The following RASGEF1C variants were observed in gnomAD, a reference collection of about 807,000 sequenced individuals.
The protein encoded by RASGEF1C is ras-GEF domain-containing family member 1C.
In RASGEF1C, 27 loss-of-function variants were observed where a neutral mutation model predicts 58.1. That is an observed-to-expected ratio of 0.46 (90% confidence interval 0.34 to 0.64). The LOEUF (loss-of-function observed/expected upper bound fraction) is 0.64, where lower values mean the gene tolerates loss of function less well. Among genes scored for constraint, RASGEF1C ranks in the 30% least tolerant of loss-of-function variants. The pLI, the probability that RASGEF1C is intolerant of heterozygous loss-of-function variation, is 0.01. For synonymous variants in RASGEF1C, 243 were observed against 246.3 expected (o/e 0.99, Z 0.13); for missense variants, 502 against 605.1 (o/e 0.83, Z 1.79).
At chr5:180,134,743 AC>A (rs1476927314) in intron 4 of RASGEF1C, among the ~76,000 whole-genome samples, 2 of 131,140 alleles carry the variant, frequency 1.5e-5, no homozygotes, top group East Asian at 2.5e-4. Context: ...CCATCTCTTC[AC>A]CCAGCTGCTA....
chr5:180,190,396 A>G (rs1477404778), intron 1 of RASGEF1C, among the ~76,000 whole-genome samples: 1 of 150,430 alleles, frequency 6.6e-6, no homozygotes, highest in South Asian at 2.1e-4. Context: ...AGGCTGAGGC[A>G]GGAGAGTGGC....
chr5:180,101,484 C>T lies in RASGEF1C; in HGVS notation c.*17G>A. ...TCTGCGGGCTCCAGCTCTTCCTCGT[C>T]CCTCAGCTCAGCGCTTTCATGTCTT... On this transcript the variant is annotated 3_prime_UTR_variant, in exon 14 of 14. Coordinates refer to ENST00000361132, the MANE Select transcript of RASGEF1C (RefSeq NM_175062.4). 2.5e-6 allele frequency: 4 copies of T among 1,610,520 alleles called. No individual in the cohort carries two copies. Among genetic ancestry groups the T allele is most frequent in the Non-Finnish European group, 3.4e-6 (4 of 1,179,940 alleles).
At position 180,209,124 on chromosome 5, in the gene RASGEF1C, C is replaced by CGG. The variant is rs1756555032; in HGVS notation, c.-104_-103insCC. ...CCGGGGCGCCGCCCGCCGCCGCCGC[C>CGG]GCCGCCGCCGCCGCCGCCGCCGCCG... On this transcript the variant is annotated 5_prime_UTR_variant, in exon 1 of 14. Transcript: ENST00000361132. 1 of 8,800 alleles carries CGG rather than the reference C, an allele frequency of 1.1e-4. No homozygotes were observed. Among genetic ancestry groups the CGG allele is most frequent in the Non-Finnish European group, 3.8e-4 (1 of 2,650 alleles). 0.5% of individuals were successfully genotyped at this position (8,800 alleles called of 1,614,324 possible). A position where few individuals can be genotyped will look rare whatever the true frequency, so the allele number is the denominator to read the frequency against.
At chr5:180,139,521 G>A (rs1766541679) in intron 1 of RASGEF1C, among the ~76,000 whole-genome samples, 1 of 152,232 alleles carries the variant, frequency 6.6e-6, no homozygotes, top group African/African-American at 2.4e-5. Context: ...GTGGGTGTGG[G>A]AGGTGCTGGG....
At chr5:180,184,691 A>G in intron 1 of RASGEF1C, among the ~76,000 whole-genome samples, 1 of 152,250 alleles carries the variant, frequency 6.6e-6, no homozygotes, top group East Asian at 1.9e-4. Context: ...ATACAGAGAC[A>G]TAAATAGATT....
At chr5:180,190,495 A>C (rs1394468352) in intron 1 of RASGEF1C, among the ~76,000 whole-genome samples, 1 of 64,232 alleles carries the variant, frequency 1.6e-5, no homozygotes, top group Non-Finnish European at 3.1e-5. Context: ...GTCTCAAAAA[A>C]AAAAAAAAAA....
chr5:180,135,752 G>A (rs749812979), intron 4 of RASGEF1C, among the ~76,000 whole-genome samples: 16 of 152,342 alleles, frequency 1.1e-4, no homozygotes, highest in South Asian at 2.1e-4. Flanking sequence ...AAGCCGCTGG[G>A]GTTCCTGAGG....
intron 1 of RASGEF1C, among the ~76,000 whole-genome samples, chr5:180,171,941 A>G (rs1200711004): frequency 6.6e-6 from 1 of 152,110 alleles, no homozygotes; most frequent in African/African-American, 2.4e-5. Context: ...CCACATCTGT[A>G]AAGTGGGCTC....
At chr5:180,160,566 C>T (rs1294900729) in intron 1 of RASGEF1C, among the ~76,000 whole-genome samples, 1 of 152,180 alleles carries the variant, frequency 6.6e-6, no homozygotes, top group East Asian at 1.9e-4. Context: ...ATCATTCCTA[C>T]CACACTGTCA....
At chr5:180,179,921 C>G (rs369123713) in intron 1 of RASGEF1C, among the ~76,000 whole-genome samples, 1 of 152,110 alleles carries the variant, frequency 6.6e-6, no homozygotes, top group African/African-American at 2.4e-5. Flanking sequence ...CCTGGCTTTG[C>G]GTCCGTCAAC....
intron 1 of RASGEF1C, among the ~76,000 whole-genome samples, chr5:180,140,510 C>T (rs1215511494): frequency 1.3e-5 from 2 of 152,152 alleles, no homozygotes; most frequent in Admixed American, 6.5e-5. Flanking sequence ...AGGGGGTGAC[C>T]ACTCTCTGTG....
chr5:180,152,506 T>C (rs1310889955), intron 1 of RASGEF1C, among the ~76,000 whole-genome samples: 20 of 132,104 alleles, frequency 1.5e-4, no homozygotes, highest in African/African-American at 5.2e-4. Flanking sequence ...AGGTGGGAAT[T>C]GAACAATGAG....
chr5:180,104,293 C>T (rs1765842008), intron 12 of RASGEF1C, among the ~76,000 whole-genome samples: 1 of 152,150 alleles, frequency 6.6e-6, no homozygotes. Context: ...AGGTTCCACC[C>T]TCATGGATGG....
chr5:180,134,501 C>T (rs1315061933), intron 4 of RASGEF1C, among the ~76,000 whole-genome samples: 1 of 151,770 alleles, frequency 6.6e-6, no homozygotes, highest in Non-Finnish European at 1.5e-5. Context: ...AAACAGGAGA[C>T]TGGGGTCTCA....
chr5:180,168,701 G>A lies in RASGEF1C; in HGVS notation c.-6-30643C>T, dbSNP rs1184657484. 6.6e-6 allele frequency among the ~76,000 whole-genome samples: 1 copy of A among 152,114 alleles called. No individual in the cohort carries two copies. The highest frequency in any genetic ancestry group is 1.5e-5 in the Non-Finnish European group (1 of 68,026). ...TCCTCCCCTCAGAGAGGAAGGCCTCGCCCTCTTGGAATTCTGGGCTCCTGT... is the reference window on the plus strand; with the variant it reads ...TCCTCCCCTCAGAGAGGAAGGCCTCACCCTCTTGGAATTCTGGGCTCCTGT... On this transcript the variant is annotated intron_variant, in intron 1 of 13. Transcript: ENST00000361132. This position sits in a 1 kb window ranked among gnomAD's most constrained non-coding sequence, Gnocchi z 6.0.
chr5:180,160,194 G>A (rs1204502599), intron 1 of RASGEF1C, among the ~76,000 whole-genome samples: 2 of 152,126 alleles, frequency 1.3e-5, no homozygotes, highest in Non-Finnish European at 2.9e-5. Context: ...ACTCAGTAGA[G>A]CGCCCCTCCC....
chr5:180,129,131 G>A (rs758427267), intron 4 of RASGEF1C, among the ~76,000 whole-genome samples: 8 of 152,190 alleles, frequency 5.3e-5, no homozygotes, highest in Non-Finnish European at 1.2e-4. Context: ...AGGGCCCACG[G>A]GGGACTGACT....
rs763103512 is a variant in RASGEF1C, at chr5:180,102,062, A to G, written c.1376+9T>C. The G allele has an allele frequency of 1.3e-6, 2 of 1,560,654 alleles. No individual in the cohort carries two copies. The highest frequency in any genetic ancestry group is 8.8e-7 in the Non-Finnish European group (1 of 1,130,588). ...AGCCCCCAGGCCCCACCTTGGCAGGAAGACTCACCTTAGAGCTTTCCATCT... is the reference window on the plus strand; with the variant it reads ...AGCCCCCAGGCCCCACCTTGGCAGGGAGACTCACCTTAGAGCTTTCCATCT... On this transcript the variant is annotated intron_variant, in intron 13 of 13. Transcript: ENST00000361132.
intron 1 of RASGEF1C, among the ~76,000 whole-genome samples, chr5:180,203,643 G>A (rs1756437793): frequency 7.8e-6 from 1 of 127,714 alleles, no homozygotes; most frequent in East Asian, 2.4e-4. Context: ...GTTGCTTTAA[G>A]CCACTAGGTC....
Sources: gnomAD v4.1 joint callset for allele counts (sites outside exome capture counted in the v4.1 genomes callset) on GRCh38, gnomAD v4.1.1 for gene constraint, Gnocchi (gnomAD v3.1) non-coding constraint, MANE v1.5 for transcripts, NCBI Gene and HGNC (gene_info 2026-07-23, HGNC 2026-07-21) for gene names.